The following PRKN variants were observed in gnomAD, a reference collection of about 807,000 sequenced individuals.
PRKN encodes E3 ubiquitin-protein ligase parkin.
In PRKN, 56 loss-of-function variants were observed where a neutral mutation model predicts 59.5. The observed-to-expected ratio is 0.94, with a 90% CI of 0.76 to 1.18. The LOEUF (loss-of-function observed/expected upper bound fraction) is 1.18. Ranked by LOEUF, PRKN falls within the 50% of genes most tolerant of loss-of-function variation. PRKN has a pLI of 0.00. For synonymous variants in PRKN, 250 were observed against 222.1 expected (o/e 1.13, Z -1.12); for missense variants, 657 against 596.4 (o/e 1.10, Z -1.06).
rs1345427158 is a variant in PRKN at position 161,475,182 on chromosome 6, C to T, written c.1083+73672G>A. ...GGGATTGCAGGCATAAGCCACCATG[C>T]CTGACCCACTATTACCTATACTTAT... On this transcript the variant is annotated intron_variant, in intron 9 of 11. Coordinates refer to ENST00000366898, the MANE Select transcript of PRKN (RefSeq NM_004562.3). The surrounding 1 kb of genome is among the most constrained non-coding windows in gnomAD (Gnocchi z 5.3). Among the ~76,000 whole-genome samples the T allele has an allele frequency of 2.6e-5, 4 of 152,162 alleles. No homozygotes were observed. Among genetic ancestry groups the T allele is most frequent in the Admixed American group, 2.6e-4 (4 of 15,274 alleles).
At chr6:161,421,692 A>AG (rs11383673) in intron 9 of PRKN, among the ~76,000 whole-genome samples, 75,289 of 151,626 alleles carry the variant, frequency 0.5, 19,876 homozygotes, top group East Asian at 0.84. Flanking sequence ...TTAGATATTT[A>AG]GGGAAAAATT....
At chr6:161,868,673 G>A (rs1035632596) in intron 6 of PRKN, among the ~76,000 whole-genome samples, 1 of 152,132 alleles carries the variant, frequency 6.6e-6, no homozygotes, top group Non-Finnish European at 1.5e-5. Context: ...ACAATCTTTA[G>A]GCCTCTTAAT....
chr6:162,561,598 G>C (rs1779848635), intron 1 of PRKN, among the ~76,000 whole-genome samples: 1 of 152,166 alleles, frequency 6.6e-6, no homozygotes, highest in Non-Finnish European at 1.5e-5. Context: ...AACCCGTCCT[G>C]AATCTGCTGA....
At chr6:161,911,601 A>G (rs955246671) in intron 6 of PRKN, among the ~76,000 whole-genome samples, 3 of 152,280 alleles carry the variant, frequency 2.0e-5, no homozygotes, top group South Asian at 2.1e-4. Context: ...AAAATCTGCT[A>G]TTCAACATAT....
chr6:162,097,004 G>A (rs941012036), intron 4 of PRKN, among the ~76,000 whole-genome samples: 1 of 151,770 alleles, frequency 6.6e-6, no homozygotes, highest in Non-Finnish European at 1.5e-5. Flanking sequence ...AGCCTCCTGA[G>A]TAGCTGGGAT....
At chr6:162,619,352 T>C (rs1175311251) in intron 1 of PRKN, among the ~76,000 whole-genome samples, 1 of 151,638 alleles carries the variant, frequency 6.6e-6, no homozygotes, top group East Asian at 1.9e-4. Context: ...TTCACCATGT[T>C]GGCTAGGACG....
At chr6:162,612,206 A>G (rs1277848856) in intron 1 of PRKN, among the ~76,000 whole-genome samples, 1 of 150,404 alleles carries the variant, frequency 6.6e-6, no homozygotes, top group African/African-American at 2.4e-5. Context: ...AAAAAAAAAA[A>G]AAAAAAAAGA....
chr6:161,380,802 G>A (rs1037468221), intron 10 of PRKN, among the ~76,000 whole-genome samples: 3 of 152,128 alleles, frequency 2.0e-5, no homozygotes, highest in Non-Finnish European at 2.9e-5. Flanking sequence ...TAACAAAAAC[G>A]CATGGATTTT....
chr6:162,107,915 G>A (rs1357482760), intron 4 of PRKN, among the ~76,000 whole-genome samples: 1 of 152,032 alleles, frequency 6.6e-6, no homozygotes, highest in Non-Finnish European at 1.5e-5. Context: ...TAAGTTCCAA[G>A]CCCAAAATTT....
chr6:162,315,284 T>C (rs559013972), intron 2 of PRKN, among the ~76,000 whole-genome samples: 42 of 152,300 alleles, frequency 2.8e-4, no homozygotes, highest in Non-Finnish European at 4.8e-4. Flanking sequence ...AAGCAACTAG[T>C]TATTGAAGTG....
intron 7 of PRKN, among the ~76,000 whole-genome samples, chr6:161,775,651 A>G (rs1789892907): frequency 6.6e-6 from 1 of 152,166 alleles, no homozygotes; most frequent in South Asian, 2.1e-4. Context: ...TAGTTTTCCA[A>G]TGTGTTTTAG....
Position 162,720,836 on chromosome 6 carries a change from C to T in PRKN, c.7+6826G>A, listed in dbSNP as rs117121768. Reference sequence around the variant, plus strand: ...CTATTCTGCACTATTCTGGGTGACACGATATCCACAGCTCTGATGACATTG... The same window carrying T: ...CTATTCTGCACTATTCTGGGTGACATGATATCCACAGCTCTGATGACATTG... On this transcript the variant is annotated intron_variant, in intron 1 of 11. Coordinates refer to ENST00000366898, the MANE Select transcript of PRKN (RefSeq NM_004562.3). Among the ~76,000 whole-genome samples, 325 of 152,218 alleles carry T rather than the reference C, an allele frequency of 2.1e-3. 1 individual carries two copies. Among genetic ancestry groups the T allele is most frequent in the Non-Finnish European group, 3.9e-3 (263 of 68,026 alleles).
At chr6:162,325,831 G>T (rs995735101) in intron 2 of PRKN, among the ~76,000 whole-genome samples, 2 of 152,164 alleles carry the variant, frequency 1.3e-5, no homozygotes, top group Non-Finnish European at 2.9e-5. Context: ...TTTAGGTAAA[G>T]AGTCATATTT....
chr6:162,553,374 G>A (rs1038109257), intron 1 of PRKN, among the ~76,000 whole-genome samples: 1 of 151,694 alleles, frequency 6.6e-6, no homozygotes, highest in African/African-American at 2.4e-5. Context: ...AAGAGGCAGG[G>A]GAGGGTGGGA....
intron 2 of PRKN, among the ~76,000 whole-genome samples, chr6:162,367,941 C>T (rs1004182893): frequency 1.3e-4 from 20 of 152,120 alleles, no homozygotes; most frequent in African/African-American, 4.3e-4. Flanking sequence ...GGGTAGAAAC[C>T]ACCAAGGCAC....
At chr6:161,914,531 C>T (rs962143044) in intron 6 of PRKN, among the ~76,000 whole-genome samples, 14 of 151,432 alleles carry the variant, frequency 9.2e-5, no homozygotes, top group Non-Finnish European at 1.9e-4. Context: ...TTTTTTTTAA[C>T]GTGAAACATG....
intron 5 of PRKN, among the ~76,000 whole-genome samples, chr6:162,005,585 T>C (rs1583468162): frequency 1.3e-5 from 2 of 152,110 alleles, no homozygotes; most frequent in Non-Finnish European, 2.9e-5. Flanking sequence ...TGAGCCCTTA[T>C]TTGTGTTCTT....
At chr6:162,394,788 C>T (rs911766388) in intron 2 of PRKN, among the ~76,000 whole-genome samples, 3 of 152,200 alleles carry the variant, frequency 2.0e-5, no homozygotes, top group Non-Finnish European at 4.4e-5. Flanking sequence ...GAGCTCATCA[C>T]TTAAGTGAAT....
In PRKN at chr6:162,020,844, C is replaced by T. The variant is rs149572813; in HGVS notation, c.618+33247G>A. Among the ~76,000 whole-genome samples the T allele has an allele frequency of 6.5e-3, 984 of 151,982 alleles. 10 individuals carry two copies. The highest frequency in any genetic ancestry group is 0.022 in the African/African-American group (920 of 41,448). ...AATGGGCCCGGCGCGGTGGCTCATGCCTGTAATCCCAGCACTTTGGGAAGC... is the reference window on the plus strand; with the variant it reads ...AATGGGCCCGGCGCGGTGGCTCATGTCTGTAATCCCAGCACTTTGGGAAGC... On this transcript the variant is annotated intron_variant, in intron 5 of 11. Coordinates refer to ENST00000366898, the MANE Select transcript of PRKN (RefSeq NM_004562.3).
Sources: allele counts gnomAD v4.1 joint callset (sites outside exome capture counted in the v4.1 genomes callset), GRCh38; gene constraint gnomAD v4.1.1; non-coding constraint Gnocchi (gnomAD v3.1); transcripts MANE v1.5; gene names NCBI Gene and HGNC (gene_info 2026-07-23, HGNC 2026-07-21).